OR3A2: variants seen among roughly 807,000 people sequenced by gnomAD.
OR3A2 encodes olfactory receptor 3A2.
For synonymous variants in OR3A2, 126 were observed against 159.3 expected (o/e 0.79, Z 1.57); for missense variants, 318 against 392.8 (o/e 0.81, Z 1.61).
chr17:3,328,116 G>A (rs1302516546), intron 3 of OR3A2, among the ~76,000 whole-genome samples: 1 of 144,844 alleles, frequency 6.9e-6, no homozygotes, highest in Non-Finnish European at 1.5e-5. Flanking sequence ...AGCTTGATGG[G>A]GATGGCATTG....
chr17:3,288,057 A>G (rs1858231187), upstream of OR3A2, among the ~76,000 whole-genome samples: 1 of 151,656 alleles, frequency 6.6e-6, no homozygotes, highest in Admixed American at 6.6e-5. Flanking sequence ...CCTAAGCATG[A>G]CATAAAACAA....
intron 3 of OR3A2, among the ~76,000 whole-genome samples, chr17:3,330,932 TGCTTGTCTGTAAAGGATTTTA>T (rs2049226821): frequency 6.6e-6 from 1 of 152,104 alleles, no homozygotes; most frequent in South Asian, 2.1e-4. Flanking sequence ...TCTCAGCATT[TGCTTGTCTGTAAAGGATTTTA>T]TTTCTCCTTC....
At chr17:3,358,422 A>G (rs1224109975) in intron 2 of OR3A2, among the ~76,000 whole-genome samples, 2 of 151,678 alleles carry the variant, frequency 1.3e-5, no homozygotes, top group Admixed American at 1.3e-4. Flanking sequence ...TAGTGCTATG[A>G]ATTTCCCTCT....
intron 3 of OR3A2, among the ~76,000 whole-genome samples, chr17:3,317,307 A>G (rs1445535353): frequency 6.6e-6 from 1 of 152,236 alleles, no homozygotes; most frequent in African/African-American, 2.4e-5. Flanking sequence ...CCTCTCTTTT[A>G]GACTATGGTT....
upstream of OR3A2, among the ~76,000 whole-genome samples, chr17:3,288,481 G>T (rs2048836130): frequency 6.6e-6 from 1 of 152,114 alleles, no homozygotes; most frequent in Non-Finnish European, 1.5e-5. Flanking sequence ...GGTAAGCGAT[G>T]TTTGCACAAC....
chr17:3,342,236 G>C (rs2049325210), intron 2 of OR3A2, among the ~76,000 whole-genome samples: 1 of 152,162 alleles, frequency 6.6e-6, no homozygotes, highest in African/African-American at 2.4e-5. Context: ...AGAGAAGTTT[G>C]TTATTACCGA....
intron 3 of OR3A2, among the ~76,000 whole-genome samples, chr17:3,305,230 G>T (rs1449726601): frequency 6.6e-6 from 1 of 151,924 alleles, no homozygotes; most frequent in African/African-American, 2.4e-5. Context: ...CGTCTAGAGG[G>T]GTGGAGAGGT....
intron 2 of OR3A2, among the ~76,000 whole-genome samples, chr17:3,343,133 A>G (rs1251810875): frequency 6.6e-6 from 1 of 152,160 alleles, no homozygotes; most frequent in Non-Finnish European, 1.5e-5. Flanking sequence ...TCTAGGTTGC[A>G]GTGTCCCGAT....
chr17:3,282,466 G>A (rs141954585), intron 1 of OR3A2, among the ~76,000 whole-genome samples: 104 of 152,204 alleles, frequency 6.8e-4, no homozygotes, highest in African/African-American at 2.4e-3. Context: ...TGGATAACGT[G>A]CATCTCACTG....
intron 1 of OR3A2, among the ~76,000 whole-genome samples, chr17:3,384,061 C>T (rs946969465): frequency 6.6e-6 from 1 of 151,744 alleles, no homozygotes; most frequent in African/African-American, 2.4e-5. Flanking sequence ...GATCACTGCA[C>T]AAGACAGTGA....
At chr17:3,279,221 A>G (rs1392765674) in intron 1 of OR3A2, 68 bp from the exon 4 acceptor site, 2 of 476,308 alleles carry the variant, frequency 4.2e-6, no homozygotes, top group African/African-American at 3.9e-5. Context: ...AGTAGATTAC[A>G]GCTGTCCTCG....
intron 2 of OR3A2, among the ~76,000 whole-genome samples, chr17:3,341,409 T>C (rs2049317580): frequency 6.6e-6 from 1 of 152,236 alleles, no homozygotes; most frequent in Admixed American, 6.5e-5. Flanking sequence ...TACCGGTTTT[T>C]CCTTTCCACG....
chr17:3,353,693 G>C (rs1474034594), intron 2 of OR3A2, among the ~76,000 whole-genome samples: 4 of 151,654 alleles, frequency 2.6e-5, no homozygotes, highest in Non-Finnish European at 5.9e-5. Context: ...TTTCTTGTGG[G>C]TACATGATAG....
At chr17:3,377,028 G>A (rs115686690) in intron 2 of OR3A2, among the ~76,000 whole-genome samples, 2,240 of 152,330 alleles carry the variant, frequency 0.015, 53 homozygotes, top group African/African-American at 0.05. Context: ...ATGTGGGTTT[G>A]GAGGCAGACT....
At chr17:3,316,730 C>T (rs1490794029) in intron 3 of OR3A2, among the ~76,000 whole-genome samples, 1 of 152,136 alleles carries the variant, frequency 6.6e-6, no homozygotes, top group East Asian at 1.9e-4. Context: ...TAGAGTTAGG[C>T]CCAGTAGCTT....
At chr17:3,341,864 A>G (rs1013435562) in intron 2 of OR3A2, among the ~76,000 whole-genome samples, 4 of 152,232 alleles carry the variant, frequency 2.6e-5, no homozygotes, top group East Asian at 1.9e-4. Flanking sequence ...AGTGTTTTCC[A>G]GCTTCGTTCC....
intron 2 of OR3A2, among the ~76,000 whole-genome samples, chr17:3,381,943 G>GA (rs752695857): frequency 6.6e-5 from 10 of 151,950 alleles, no homozygotes; most frequent in African/African-American, 9.7e-5. Context: ...CAGCATTACA[G>GA]AAAAAACAAA....
At chr17:3,289,653 C>CT (rs1269259634) in intron 3 of OR3A2, among the ~76,000 whole-genome samples, 1 of 152,188 alleles carries the variant, frequency 6.6e-6, no homozygotes, top group African/African-American at 2.4e-5. Context: ...AACTAACAGA[C>CT]TCAGAGAAAT....
chr17:3,311,308 C>T lies in OR3A2; in HGVS notation c.-85+24725G>A, dbSNP rs762342383. On this transcript the variant is annotated intron_variant, in intron 3 of 4. Coordinates refer to the OR3A2 transcript ENST00000573491. This position sits in a 1 kb window ranked among gnomAD's most constrained non-coding sequence, Gnocchi z 4.6. ...CTGCAGTTCACAGCTCTTCTTTCCC[C>T]ACCTCCTGGCTGGGGTGGACTGTCA... The T allele has an allele frequency of 7.5e-6, 4 of 534,864 alleles. No individual in the cohort carries two copies. The highest frequency in any genetic ancestry group is 1.2e-5 in the Non-Finnish European group (3 of 260,228). 33.1% of individuals were successfully genotyped at this position (534,864 alleles called of 1,614,324 possible). A position where few individuals can be genotyped will look rare whatever the true frequency, so the allele number is the denominator to read the frequency against.
Sources: gnomAD v4.1 joint callset for allele counts (sites outside exome capture counted in the v4.1 genomes callset) on GRCh38, gnomAD v4.1.1 for gene constraint, Gnocchi (gnomAD v3.1) non-coding constraint, MANE v1.5 for transcripts, NCBI Gene and HGNC (gene_info 2026-07-23, HGNC 2026-07-21) for gene names.